The following PDE2A variants were observed in gnomAD, a reference collection of about 807,000 sequenced individuals.
The protein encoded by PDE2A is cGMP-dependent 3',5'-cyclic phosphodiesterase.
A neutral mutation model predicts 133.6 loss-of-function variants in PDE2A; 53 were observed. The ratio of observed to expected loss-of-function variants is 0.40; its 90% CI spans 0.32 to 0.50. The LOEUF (loss-of-function observed/expected upper bound fraction) is 0.50, where lower values mean the gene tolerates loss of function less well. Ranked by LOEUF, PDE2A falls within the 20% of genes least tolerant of loss-of-function variation. The probability of loss-of-function intolerance (pLI) is 0.73; values close to 1 mark genes in which losing one functional copy is unlikely to be tolerated. For missense variants in PDE2A, 796 were observed against 1,232.4 expected, an observed-to-expected ratio of 0.65 and a Z score of 5.30; for synonymous variants, 491 against 490.2, an observed-to-expected ratio of 1.00 and a Z score of -0.02.
chr11:72,643,858 AGGCATGCTCT>A (rs1232242101), intron 1 of PDE2A, among the ~76,000 whole-genome samples: 1 of 151,980 alleles, frequency 6.6e-6, no homozygotes, highest in Non-Finnish European at 1.5e-5. Context: ...TTTCTTTCTG[AGGCATGCTCT>A]GGCATGCTCT....
intron 1 of PDE2A, among the ~76,000 whole-genome samples, chr11:72,669,570 G>A (rs1472874063): frequency 2.0e-5 from 3 of 152,082 alleles, no homozygotes; most frequent in Admixed American, 6.6e-5. Context: ...GGGAGCCCAC[G>A]GCCACCACCC....
intron 1 of PDE2A, among the ~76,000 whole-genome samples, chr11:72,647,666 C>T (rs1859166760): frequency 6.6e-6 from 1 of 152,246 alleles, no homozygotes; most frequent in East Asian, 1.9e-4. Context: ...AAACTGACAT[C>T]TCTGCAGGTT....
intron 3 of PDE2A, 67 bp from the exon 4 acceptor site, chr11:72,605,293 C>T (rs1856922676): frequency 2.2e-6 from 2 of 923,248 alleles, no homozygotes; most frequent in South Asian, 3.8e-5. Flanking sequence ...CCAGCCTGTA[C>T]ACAGGGGTCT....
In PDE2A at chr11:72,580,882, TTACCGAGGC is replaced by T. The variant is rs759405906; in HGVS notation, c.2128_2133+3del. ...TCCCCACTGTGAGCAGGGCAGGGTCTTACCGAGGCCACCTGGAAAGAGTTGTTTGTGCCT... is the reference window on the plus strand; with the variant it reads ...TCCCCACTGTGAGCAGGGCAGGGTCTCACCTGGAAAGAGTTGTTTGTGCCT... On this transcript the variant is annotated splice_donor_variant and splice_donor_region_variant and coding_sequence_variant and intron_variant, in exon 24 of 31. Coordinates refer to ENST00000334456, the MANE Select transcript of PDE2A (RefSeq NM_002599.5). LOFTEE classifies it high-confidence loss of function. 1 of 1,576,284 alleles carries T rather than the reference TTACCGAGGC, an allele frequency of 6.3e-7. No homozygotes were observed. Among genetic ancestry groups the T allele is most frequent in the South Asian group, 1.1e-5 (1 of 90,318 alleles).
At chr11:72,661,319 T>C (rs1181394179) in intron 1 of PDE2A, among the ~76,000 whole-genome samples, 2 of 151,964 alleles carry the variant, frequency 1.3e-5, no homozygotes, top group Admixed American at 6.6e-5. Context: ...AATAAATAAA[T>C]ACAGAAATAA....
intron 1 of PDE2A, among the ~76,000 whole-genome samples, chr11:72,664,348 G>A (rs75153646): frequency 0.016 from 2,287 of 145,644 alleles, 70 homozygotes; most frequent in African/African-American, 0.056. Context: ...ACAAAATAGG[G>A]CTAGCCCCTT....
intron 1 of PDE2A, among the ~76,000 whole-genome samples, chr11:72,666,631 G>A (rs933666109): frequency 6.6e-6 from 1 of 152,184 alleles, no homozygotes; most frequent in Non-Finnish European, 1.5e-5. Flanking sequence ...GCAGGTGTCT[G>A]GGCCTTCACA....
rs367863626 is a variant in PDE2A, at chr11:72,579,611, G to A, written c.2182-3C>T. On this transcript the variant is annotated splice_polypyrimidine_tract_variant and splice_region_variant and intron_variant, in intron 25 of 30. Transcript: ENST00000334456. ...ATGGCCTGAGCAAAGTGGTGCCTCTGGGGGGAGAGGAGTGATGGGGGCCCA... is the reference window on the plus strand; with the variant it reads ...ATGGCCTGAGCAAAGTGGTGCCTCTAGGGGGAGAGGAGTGATGGGGGCCCA... 10 of 1,608,650 alleles carry A rather than the reference G, an allele frequency of 6.2e-6. No homozygotes were observed. Among genetic ancestry groups the A allele is most frequent in the African/African-American group, 5.4e-5 (4 of 74,722 alleles).
At chr11:72,645,338 G>C (rs1859103635) in intron 1 of PDE2A, among the ~76,000 whole-genome samples, 1 of 152,196 alleles carries the variant, frequency 6.6e-6, no homozygotes, top group African/African-American at 2.4e-5. Flanking sequence ...GTGCTTGGTA[G>C]AGTGCAGAGC....
chr11:72,603,739 G>T (rs1427529102), intron 4 of PDE2A, among the ~76,000 whole-genome samples: 1 of 152,226 alleles, frequency 6.6e-6, no homozygotes, highest in Non-Finnish European at 1.5e-5. Flanking sequence ...AGGCTAGAGA[G>T]AGGTGGTAAT....
At chr11:72,599,717 A>G (rs1856651788) in intron 4 of PDE2A, among the ~76,000 whole-genome samples, 1 of 152,206 alleles carries the variant, frequency 6.6e-6, no homozygotes, top group African/African-American at 2.4e-5. Flanking sequence ...GGAGCATTCT[A>G]CTTAAAGTCT....
At position 72,656,615 on chromosome 11, in the gene PDE2A, C is replaced by T. The variant is rs947875233; in HGVS notation, c.72-14289G>A. On this transcript the variant is annotated intron_variant, in intron 1 of 30. Transcript: ENST00000334456. ...GCCAGACACGAGCAGAAAGGACTAT[C>T]GGCATAGCCCTTGCTGATGCAAATT... Among the ~76,000 whole-genome samples, 5 of 152,082 alleles carry T rather than the reference C, an allele frequency of 3.3e-5. No homozygotes were observed. The East Asian group carries it at 7.7e-4, about 23-fold the overall frequency.
chr11:72,589,133 G>A (rs1465480583), intron 12 of PDE2A, 42 bp downstream of exon 12: 1 of 1,548,250 alleles, frequency 6.5e-7, no homozygotes, highest in African/African-American at 1.4e-5. Flanking sequence ...CTGGCAGTGG[G>A]GTCTCCTCTT....
chr11:72,656,396 T>C (rs538269669), intron 1 of PDE2A, among the ~76,000 whole-genome samples: 1 of 152,214 alleles, frequency 6.6e-6, no homozygotes, highest in South Asian at 2.1e-4. Context: ...CCTTGCCTCC[T>C]GTAGGTGCCT....
intron 4 of PDE2A, among the ~76,000 whole-genome samples, chr11:72,601,455 C>T (rs956915312): frequency 4.0e-5 from 6 of 150,938 alleles, no homozygotes; most frequent in Admixed American, 1.3e-4. Context: ...TGAGACAACC[C>T]CTAGGGATGG....
At chr11:72,673,624 A>T in intron 1 of PDE2A, among the ~76,000 whole-genome samples, 1 of 152,028 alleles carries the variant, frequency 6.6e-6, no homozygotes, top group Non-Finnish European at 1.5e-5. Context: ...TCCCAATTCC[A>T]TGGAAGGTGG....
rs1855451621 is a variant in PDE2A, at chr11:72,674,243, G to A, written c.-36C>T. On this transcript the variant is annotated 5_prime_UTR_variant, in exon 1 of 31. Transcript: ENST00000334456. Reference sequence around the variant, plus strand: ...CGTCCGCCTCCCCAGCCAGACTAAGGTGGCACCTCGCCCTGTCCCCGCTGC... The same window carrying A: ...CGTCCGCCTCCCCAGCCAGACTAAGATGGCACCTCGCCCTGTCCCCGCTGC... 3 of 1,590,162 alleles carry A rather than the reference G, an allele frequency of 1.9e-6. No homozygotes were observed. Among genetic ancestry groups the A allele is most frequent in the East Asian group, 2.3e-5 (1 of 43,964 alleles).
intron 2 of PDE2A, among the ~76,000 whole-genome samples, chr11:72,619,580 T>G (rs960074366): frequency 2.0e-5 from 3 of 152,222 alleles, no homozygotes; most frequent in African/African-American, 7.2e-5. Context: ...AGTGACCATG[T>G]GGGCCTGCAT....
intron 2 of PDE2A, among the ~76,000 whole-genome samples, chr11:72,609,940 A>G (rs1238050661): frequency 3.4e-5 from 5 of 147,794 alleles, no homozygotes; most frequent in Non-Finnish European, 7.5e-5. Flanking sequence ...ATTGCAGGCC[A>G]TATTAATAGA....
Sources: gnomAD v4.1 joint callset for allele counts (sites outside exome capture counted in the v4.1 genomes callset) on GRCh38, gnomAD v4.1.1 for gene constraint, MANE v1.5 for transcripts, NCBI Gene and HGNC (gene_info 2026-07-23, HGNC 2026-07-21) for gene names.